Variants in GOLGA7B observed in about 807,000 individuals in gnomAD.
GOLGA7B encodes golgin subfamily A member 7B.
A neutral mutation model predicts 21.5 loss-of-function variants in GOLGA7B; 17 were observed. The observed-to-expected ratio is 0.79, with a 90% CI of 0.54 to 1.19. The LOEUF (loss-of-function observed/expected upper bound fraction) is 1.19. Ranked by LOEUF, GOLGA7B falls within the 50% of genes most tolerant of loss-of-function variation. GOLGA7B has a pLI of 0.00. For synonymous variants in GOLGA7B, 87 were observed against 84.0 expected (o/e 1.04, Z -0.19); for missense variants, 169 against 224.4 (o/e 0.75, Z 1.58).
chr10:97,871,566 G>C lies in GOLGA7B; in HGVS notation c.*5866G>C, dbSNP rs1008510106. 1 of 152,306 alleles carries C rather than the reference G, an allele frequency of 6.6e-6. No homozygotes were observed. Among genetic ancestry groups the C allele is most frequent in the Admixed American group, 6.5e-5 (1 of 15,306 alleles). The allele number at this position is 152,306 out of a possible 1,614,324, so 9.4% of individuals were successfully genotyped here. ...TCACTGATTCCCGAATAAATGCCAG[G>C]AACATTCATGTACATTATTATTCCA... On this transcript the variant is annotated 3_prime_UTR_variant, in exon 5 of 5. Transcript: ENST00000370602.
At position 97,870,869 on chromosome 10, in the gene GOLGA7B, C is replaced by G. The variant is rs900811618; in HGVS notation, c.*5169C>G. ...ACACCAGGAGTTCTTAACCTCGACC[C>G]GACTGCATTCAGGTGCATATTATGT... On this transcript the variant is annotated 3_prime_UTR_variant, in exon 5 of 5. Coordinates refer to ENST00000370602, the MANE Select transcript of GOLGA7B (RefSeq NM_001010917.3). 17 of 152,206 alleles carry G rather than the reference C, an allele frequency of 1.1e-4. No individual in the cohort carries two copies. Among genetic ancestry groups the G allele is most frequent in the Middle Eastern group, 3.4e-3 (1 of 294 alleles). 9.4% of individuals were successfully genotyped at this position (152,206 alleles called of 1,614,324 possible).
intron 2 of GOLGA7B, among the ~76,000 whole-genome samples, chr10:97,861,937 T>A (rs1460493643): frequency 3.3e-5 from 5 of 152,238 alleles, no homozygotes; most frequent in African/African-American, 1.2e-4. Context: ...AGCTTCCAAC[T>A]ATTCTTGGAC....
intron 2 of GOLGA7B, among the ~76,000 whole-genome samples, chr10:97,859,913 C>A (rs1162867923): frequency 6.6e-6 from 1 of 152,150 alleles, no homozygotes; most frequent in Non-Finnish European, 1.5e-5. Context: ...TGTTGTCCAG[C>A]AGTGCTGATC....
intron 1 of GOLGA7B, among the ~76,000 whole-genome samples, chr10:97,853,594 A>T (rs1590158288): frequency 6.6e-6 from 1 of 152,066 alleles, no homozygotes; most frequent in Admixed American, 6.5e-5. Context: ...CCCTGTCTTC[A>T]CTCTGCTGCC....
chr10:97,852,660 C>A (rs1296521639), intron 1 of GOLGA7B, among the ~76,000 whole-genome samples: 1 of 149,954 alleles, frequency 6.7e-6, no homozygotes, highest in Non-Finnish European at 1.5e-5. Context: ...AGGAACTCCT[C>A]AGCTCTAGGA....
chr10:97,864,046 C>A lies in GOLGA7B; in HGVS notation c.255C>A (p.Tyr85Ter). Residue 85 changes from tyrosine to a stop codon, truncating the protein, a stop_gained, in exon 3 of 5, where the codon TAC becomes TAA. Transcript: ENST00000370602. LOFTEE classifies it high-confidence loss of function. Reference protein sequence around the residue: ...LEGCLACATAYFIFLCMETHY... With the variant: ...LEGCLACATA ...GCTGCCTGGCCTGCGCCACGGCCTA[C>A]TTCATCTTCCTCTGCATGGAGACCC... 6.2e-7 allele frequency: 1 copy of A among 1,614,198 alleles called. No homozygotes were observed. Among genetic ancestry groups the A allele is most frequent in the Non-Finnish European group, 8.5e-7 (1 of 1,180,018 alleles).
chr10:97,850,448 G>A (rs1564863442), intron 1 of GOLGA7B, 133 bp downstream of exon 1: 2 of 674,928 alleles, frequency 3.0e-6, no homozygotes, highest in Non-Finnish European at 4.6e-6. Context: ...AGGTCTGGAG[G>A]GAGGAGGTAG....
At chr10:97,850,488 C>G (rs1164296915) in intron 1 of GOLGA7B, among the ~76,000 whole-genome samples, 173 bp downstream of exon 1, 1 of 151,984 alleles carries the variant, frequency 6.6e-6, no homozygotes, top group African/African-American at 2.4e-5. Context: ...CTCCCCCTTG[C>G]GTGTCAATCT....
Position 97,866,573 on chromosome 10 carries a change from TGA to T in GOLGA7B, c.*875_*876del, listed in dbSNP as rs1055481569. On this transcript the variant is annotated 3_prime_UTR_variant, in exon 5 of 5. Coordinates refer to ENST00000370602, the MANE Select transcript of GOLGA7B (RefSeq NM_001010917.3). ...TGTAAGTGCAGTGTGCGTAAATGTG[TGA>T]GTCTGCGTGTGTTAGCATGCCTGTA... 12 of 152,404 alleles carry T rather than the reference TGA, an allele frequency of 7.9e-5. No individual in the cohort carries two copies. Among genetic ancestry groups the T allele is most frequent in the African/African-American group, 2.4e-4 (10 of 41,570 alleles). 9.4% of individuals were successfully genotyped at this position (152,404 alleles called of 1,614,324 possible). A position where few individuals can be genotyped will look rare whatever the true frequency, so the allele number is the denominator to read the frequency against.
At position 97,871,482 on chromosome 10, in the gene GOLGA7B, G is replaced by A. The variant is rs1297091229; in HGVS notation, c.*5782G>A. ...CCTCGTTATACGATGGCCTCATGAT[G>A]TAGATTTATAGCAGGCTTCAGATTC... On this transcript the variant is annotated 3_prime_UTR_variant, in exon 5 of 5. Transcript: ENST00000370602. 6.6e-6 allele frequency: 1 copy of A among 152,258 alleles called. No individual in the cohort carries two copies. Among genetic ancestry groups the A allele is most frequent in the Non-Finnish European group, 1.5e-5 (1 of 68,048 alleles). The allele number at this position is 152,258 out of a possible 1,614,324, so 9.4% of individuals were successfully genotyped here.
At chr10:97,851,491 G>C (rs949532758) in intron 1 of GOLGA7B, among the ~76,000 whole-genome samples, 1 of 152,224 alleles carries the variant, frequency 6.6e-6, no homozygotes, top group Non-Finnish European at 1.5e-5. Context: ...TTGCCCCTCA[G>C]GACTTGGTGT....
At chr10:97,852,250 A>G (rs2049909799) in intron 1 of GOLGA7B, among the ~76,000 whole-genome samples, 1 of 151,936 alleles carries the variant, frequency 6.6e-6, no homozygotes, top group Admixed American at 6.6e-5. Flanking sequence ...CCTGATAGAG[A>G]GGAGGGCCCT....
intron 2 of GOLGA7B, among the ~76,000 whole-genome samples, chr10:97,860,759 C>A (rs537849373): frequency 3.3e-5 from 5 of 152,320 alleles, no homozygotes; most frequent in Non-Finnish European, 5.9e-5. Context: ...TTCAGCTGGT[C>A]TTCTTCAGAA....
At chr10:97,853,156 G>A (rs1452952242) in intron 1 of GOLGA7B, among the ~76,000 whole-genome samples, 1 of 152,182 alleles carries the variant, frequency 6.6e-6, no homozygotes, top group African/African-American at 2.4e-5. Flanking sequence ...CACTGGTACA[G>A]GCTGAGAAGA....
chr10:97,860,367 T>C (rs1414836551), intron 2 of GOLGA7B, among the ~76,000 whole-genome samples: 1 of 150,402 alleles, frequency 6.6e-6, no homozygotes, highest in East Asian at 2.0e-4. Flanking sequence ...AAATACTAGG[T>C]CTTTTTTTTT....
rs1433979224 is a variant in GOLGA7B at position 97,869,142 on chromosome 10, A to G, written c.*3442A>G. The G allele has an allele frequency of 3.3e-5, 5 of 152,244 alleles. No homozygotes were observed. The highest frequency in any genetic ancestry group is 3.3e-4 in the Admixed American group (5 of 15,280). 9.4% of individuals were successfully genotyped at this position (152,244 alleles called of 1,614,324 possible). The stretch of plus-strand genomic sequence containing the variant: ...GGGCCTCAGCCGTCCTGGGATTAGG[A>G]TCAGGCAGATTCCCAGGGAAGGACT... On this transcript the variant is annotated 3_prime_UTR_variant, in exon 5 of 5. Transcript: ENST00000370602.
At chr10:97,855,855 CAT>C (rs2049931925) in intron 1 of GOLGA7B, among the ~76,000 whole-genome samples, 1 of 152,182 alleles carries the variant, frequency 6.6e-6, no homozygotes. Context: ...GGAATCAACT[CAT>C]ATAAGCCTAC....
intron 1 of GOLGA7B, among the ~76,000 whole-genome samples, chr10:97,853,971 G>A (rs776466105): frequency 6.6e-6 from 1 of 152,204 alleles, no homozygotes; most frequent in Non-Finnish European, 1.5e-5. Context: ...TCTGTTGAGT[G>A]CTTATACATT....
chr10:97,859,440 G>T lies in GOLGA7B; in HGVS notation c.13-18G>T, dbSNP rs750080047. The T allele has an allele frequency of 6.2e-7, 1 of 1,613,226 alleles. No homozygotes were observed. Among genetic ancestry groups the T allele is most frequent in the Non-Finnish European group, 8.5e-7 (1 of 1,179,538 alleles). The stretch of plus-strand genomic sequence containing the variant: ...TGGATGGTCACTCTCAGCACATGCC[G>T]CCCGCACGTCTCCTCAGGTCCACAA... On this transcript the variant is annotated intron_variant, in intron 1 of 4. Transcript: ENST00000370602.
Sources: gnomAD v4.1 joint callset for allele counts (sites outside exome capture counted in the v4.1 genomes callset) on GRCh38, gnomAD v4.1.1 for gene constraint, MANE v1.5 for transcripts, NCBI Gene and HGNC (gene_info 2026-07-23, HGNC 2026-07-21) for gene names.